Variants in HDGFL2 observed in about 807,000 individuals in gnomAD.
HDGFL2 encodes hepatoma-derived growth factor-related protein 2.
HDGFL2 carries 36 observed loss-of-function variants against 77.1 expected under a neutral mutation model. That is an observed-to-expected ratio of 0.47 (90% CI 0.36 to 0.62). The LOEUF (loss-of-function observed/expected upper bound fraction) is 0.62, where lower values mean the gene tolerates loss of function less well. Among genes scored for constraint, HDGFL2 ranks in the 20% least tolerant of loss-of-function variants. The probability of loss-of-function intolerance (pLI) is 0.00; values close to 1 mark genes in which losing one functional copy is unlikely to be tolerated. For synonymous variants in HDGFL2, 463 were observed against 413.1 expected (o/e 1.12, Z -1.46); for missense variants, 976 against 973.4 (o/e 1.00, Z -0.04).
chr19:4,483,106 G>C (rs1975263160), intron 3 of HDGFL2, among the ~76,000 whole-genome samples: 2 of 152,246 alleles, frequency 1.3e-5, no homozygotes, highest in African/African-American at 4.8e-5. Context: ...ATTACTCTCA[G>C]CGTTCTCCGT....
intron 3 of HDGFL2, among the ~76,000 whole-genome samples, chr19:4,485,508 G>C (rs978982530): frequency 1.3e-5 from 2 of 152,024 alleles, no homozygotes; most frequent in African/African-American, 4.8e-5. Context: ...GGAGGCCGAG[G>C]TGGGTGGATC....
At chr19:4,492,362 T>C (rs966561969) in intron 6 of HDGFL2, among the ~76,000 whole-genome samples, 6 of 151,920 alleles carry the variant, frequency 3.9e-5, no homozygotes, top group African/African-American at 1.5e-4. Flanking sequence ...TTCTGGTGCC[T>C]GTGTCCCTGT....
intron 11 of HDGFL2, 45 bp downstream of exon 11, chr19:4,498,076 G>A (rs1163363846): frequency 6.6e-7 from 1 of 1,505,154 alleles, no homozygotes; most frequent in Admixed American, 2.0e-5. Flanking sequence ...GTTCACTGAG[G>A]GGAACGGGGA....
At chr19:4,487,796 A>G (rs1475396012) in intron 3 of HDGFL2, among the ~76,000 whole-genome samples, 1 of 152,168 alleles carries the variant, frequency 6.6e-6, no homozygotes, top group African/African-American at 2.4e-5. Context: ...CTGGCACATA[A>G]GAAGCATCAG....
At chr19:4,492,005 C>T (rs1234161669) in intron 6 of HDGFL2, among the ~76,000 whole-genome samples, 170 bp downstream of exon 6, 1 of 152,180 alleles carries the variant, frequency 6.6e-6, no homozygotes, top group African/African-American at 2.4e-5. Flanking sequence ...TATGGCCGCA[C>T]TGCCTCCAGG....
chr19:4,494,305 C>T lies in HDGFL2; in HGVS notation c.1054C>T (p.Arg352Trp), dbSNP rs756355754. The T allele has an allele frequency of 3.5e-6, 5 of 1,434,206 alleles. No individual in the cohort carries two copies. The highest frequency in any genetic ancestry group is 2.8e-5 in the East Asian group (1 of 35,660). 88.8% of individuals were successfully genotyped at this position (1,434,206 alleles called of 1,614,324 possible). Residue 352 changes from arginine (R) to tryptophan (W), a missense_variant, in exon 9 of 16, where the codon CGG (arginine) becomes TGG (tryptophan). Arg to Trp is a moderately radical substitution (Grantham distance 101). Transcript: ENST00000616600. ...LREQEKEEKE[R>W]RRERADRGEA... The stretch of plus-strand genomic sequence containing the variant: ...GGAGCAGGAGAAGGAGGAGAAGGAG[C>T]GGAGGCGCGAGCGGGCCGACCGCGG...
At chr19:4,488,577 G>A (rs1975420266) in intron 3 of HDGFL2, 99 bp from the exon 4 acceptor site, 2 of 1,083,074 alleles carry the variant, frequency 1.8e-6, no homozygotes, top group Non-Finnish European at 2.6e-6. Context: ...CTGACATTCA[G>A]GATCCCGCAT....
intron 4 of HDGFL2, among the ~76,000 whole-genome samples, chr19:4,489,270 T>C (rs1449645853): frequency 6.6e-6 from 1 of 151,172 alleles, no homozygotes; most frequent in Non-Finnish European, 1.5e-5. Context: ...TTTTTTTTTT[T>C]TTGAGATGGA....
At chr19:4,480,817 C>T (rs1975193284) in intron 3 of HDGFL2, among the ~76,000 whole-genome samples, 1 of 152,110 alleles carries the variant, frequency 6.6e-6, no homozygotes, top group African/African-American at 2.4e-5. Flanking sequence ...GAATCTTGAC[C>T]ATTGACATCC....
At chr19:4,475,172 TC>T in intron 1 of HDGFL2, 102 bp from the exon 2 acceptor site, 2 of 920,256 alleles carry the variant, frequency 2.2e-6, no homozygotes, top group African/African-American at 1.7e-5. Context: ...GGTTGAAGGC[TC>T]CCCTCCTCCC....
At chr19:4,498,998 G>C (rs1196976453) in intron 13 of HDGFL2, 83 bp downstream of exon 13, 3 of 943,250 alleles carry the variant, frequency 3.2e-6, no homozygotes, top group Non-Finnish European at 4.9e-6. Context: ...GCCCCCAGCA[G>C]GTTCCTGTCG....
chr19:4,499,757 CAG>C lies in HDGFL2; in HGVS notation c.1789+55_1789+56del, dbSNP rs1356604309. 7 of 1,353,412 alleles carry C rather than the reference CAG, an allele frequency of 5.2e-6. No individual in the cohort carries two copies. In the East Asian group the frequency reaches 1.2e-4, roughly 23 times the overall value. 83.8% of individuals were successfully genotyped at this position (1,353,412 alleles called of 1,614,324 possible). On this transcript the variant is annotated intron_variant, in intron 14 of 15. Transcript: ENST00000616600. ...ACCTCAGTCTCCTCAGCTGAAGAAACAGATGCTTTGCAGAACATTCCAGAAGG... is the reference window on the plus strand; with the variant it reads ...ACCTCAGTCTCCTCAGCTGAAGAAACATGCTTTGCAGAACATTCCAGAAGG...
Position 4,502,027 on chromosome 19 carries a change from C to A in HDGFL2, c.*17C>A. On this transcript the variant is annotated 3_prime_UTR_variant, in exon 16 of 16. Transcript: ENST00000616600. ...GAGAGCTGAGCCGCGGGCAGCCAGG[C>A]CCAGCCCCCGCCCGAGCTCAGGCTG... 6.6e-7 allele frequency: 1 copy of A among 1,513,820 alleles called. No homozygotes were observed. Among genetic ancestry groups the A allele is most frequent in the Non-Finnish European group, 8.8e-7 (1 of 1,132,118 alleles). 93.8% of individuals were successfully genotyped at this position (1,513,820 alleles called of 1,614,324 possible). A position where few individuals can be genotyped will look rare whatever the true frequency, so the allele number is the denominator to read the frequency against.
At chr19:4,488,540 C>T (rs1056207328) in intron 3 of HDGFL2, 136 bp from the exon 4 acceptor site, 18 of 792,604 alleles carry the variant, frequency 2.3e-5, no homozygotes, top group Non-Finnish European at 2.6e-5. Context: ...TCGGTTTCCC[C>T]ATTTGTAAAG....
intron 9 of HDGFL2, among the ~76,000 whole-genome samples, chr19:4,495,448 T>C (rs1975678289): frequency 6.9e-6 from 1 of 145,068 alleles, no homozygotes; most frequent in South Asian, 2.2e-4. Context: ...CGAAGACTCC[T>C]GGGAGGGGAT....
rs1236417694 is a variant in HDGFL2, at chr19:4,494,334, G to C, written c.1083G>C (p.Glu361Asp). 3 of 1,416,176 alleles carry C rather than the reference G, an allele frequency of 2.1e-6. No individual in the cohort carries two copies. The highest frequency in any genetic ancestry group is 2.8e-6 in the Non-Finnish European group (3 of 1,089,194). 87.7% of individuals were successfully genotyped at this position (1,416,176 alleles called of 1,614,324 possible). A position where few individuals can be genotyped will look rare whatever the true frequency, so the allele number is the denominator to read the frequency against. The part of the protein sequence containing the change: ...ERRRERADRG[E>D]AERGSGGSSG... ...GGCGCGAGCGGGCCGACCGCGGGGA[G>C]GCTGAGCGGGGCAGCGGCGGCAGCA... Residue 361 changes from glutamate to aspartate, a missense_variant, in exon 9 of 16, where the codon GAG becomes GAC. By Grantham distance (45) the Glu-to-Asp change is conservative. This residue lies in a region of HDGFL2 where 567 missense variants were observed against 534.7 expected (regional missense o/e 1.06). Coordinates refer to ENST00000616600, the MANE Select transcript of HDGFL2 (RefSeq NM_001001520.3).
intron 3 of HDGFL2, among the ~76,000 whole-genome samples, chr19:4,479,231 C>T (rs1050300224): frequency 6.6e-6 from 1 of 151,656 alleles, no homozygotes; most frequent in African/African-American, 2.4e-5. Flanking sequence ...GAGGGGTCAC[C>T]TGAGGTCAGG....
intron 3 of HDGFL2, among the ~76,000 whole-genome samples, chr19:4,483,868 C>T (rs1020085571): frequency 6.8e-6 from 1 of 147,684 alleles, no homozygotes; most frequent in Non-Finnish European, 1.5e-5. Context: ...GGGCTCACTG[C>T]AACCTCTGCC....
chr19:4,492,661 G>A (rs1196860736), intron 6 of HDGFL2, among the ~76,000 whole-genome samples: 1 of 151,256 alleles, frequency 6.6e-6, no homozygotes, highest in Non-Finnish European at 1.5e-5. Flanking sequence ...TGTGTGGTGT[G>A]TGTGTCTGGT....
Sources: gnomAD v4.1 joint callset for allele counts (sites outside exome capture counted in the v4.1 genomes callset) on GRCh38, gnomAD v4.1.1 for gene constraint, gnomAD v4.1.1 regional missense constraint, MANE v1.5 for transcripts, NCBI Gene and HGNC (gene_info 2026-07-23, HGNC 2026-07-21) for gene names.